XNDC1N: variants seen among roughly 807,000 people sequenced by gnomAD.
The protein encoded by XNDC1N is protein XNDC1N.
the XNDC1N span, among the ~76,000 whole-genome samples, chr11:71,887,180 C>T: frequency 4.6e-5 from 7 of 152,156 alleles, no homozygotes; most frequent in African/African-American, 1.4e-4. Context: ...GCTGAACATT[C>T]GCTAGTAACC....
chr11:71,870,342 C>T, the XNDC1N span, among the ~76,000 whole-genome samples: 1 of 152,100 alleles, frequency 6.6e-6, no homozygotes, highest in South Asian at 2.1e-4. Flanking sequence ...CTTCTGGGGG[C>T]CAAGGCTCAG....
the XNDC1N span, among the ~76,000 whole-genome samples, chr11:71,924,539 G>A: frequency 2.6e-5 from 4 of 152,092 alleles, no homozygotes; most frequent in Admixed American, 1.3e-4. Context: ...TAAGCCTGGC[G>A]TGGTGGTGGG....
the XNDC1N span, among the ~76,000 whole-genome samples, chr11:71,902,845 T>G: frequency 6.6e-6 from 1 of 152,206 alleles, no homozygotes; most frequent in South Asian, 2.1e-4. Context: ...AGACAATGCT[T>G]TTATTACATC....
the XNDC1N span, among the ~76,000 whole-genome samples, chr11:71,879,116 T>C: frequency 4.6e-5 from 7 of 152,110 alleles, no homozygotes; most frequent in Non-Finnish European, 7.4e-5. Context: ...GAAAAGCGAA[T>C]GAAGACTAGA....
the XNDC1N span, chr11:71,916,587 G>A: frequency 4.1e-6 from 1 of 241,840 alleles, no homozygotes; most frequent in South Asian, 7.4e-5. Context: ...AGGACCCAGT[G>A]GATTACCTGA....
chr11:71,888,885 C>T, the XNDC1N span, among the ~76,000 whole-genome samples: 2 of 152,246 alleles, frequency 1.3e-5, no homozygotes, highest in African/African-American at 4.8e-5. Context: ...CTCCCGGTAT[C>T]AAAGAGCCCT....
the XNDC1N span, among the ~76,000 whole-genome samples, chr11:71,897,700 G>T: frequency 4.8e-4 from 73 of 152,048 alleles, no homozygotes; most frequent in African/African-American, 1.7e-3. Context: ...TCCCGCAGTT[G>T]CATTTGTGGG....
chr11:71,907,088 C>T, the XNDC1N span, among the ~76,000 whole-genome samples: 6 of 152,118 alleles, frequency 3.9e-5, no homozygotes, highest in South Asian at 2.1e-4. Context: ...TTATTATTAA[C>T]GTCCCGCTAG....
the XNDC1N span, among the ~76,000 whole-genome samples, chr11:71,889,426 G>A: frequency 1.8e-4 from 28 of 152,252 alleles, no homozygotes; most frequent in Non-Finnish European, 4.0e-4. Flanking sequence ...TGGGCATCAG[G>A]GCTCCCTCAA....
the XNDC1N span, among the ~76,000 whole-genome samples, chr11:71,885,196 C>T: frequency 2.0e-5 from 3 of 152,080 alleles, no homozygotes; most frequent in Admixed American, 6.5e-5. Flanking sequence ...GGTGTTTCTA[C>T]TCCCTGGGAT....
the XNDC1N span, chr11:71,903,828 C>T: frequency 2.3e-5 from 8 of 353,208 alleles, no homozygotes; most frequent in African/African-American, 1.5e-4. Context: ...CTTCCCATCT[C>T]GGGGACCCTT....
At chr11:71,886,320 G>C in the XNDC1N span, among the ~76,000 whole-genome samples, 1 of 150,554 alleles carries the variant, frequency 6.6e-6, no homozygotes, top group Non-Finnish European at 1.5e-5. Context: ...GCGAAGAAAG[G>C]CGGAGAGTCC....
the XNDC1N span, among the ~76,000 whole-genome samples, chr11:71,869,706 T>C: frequency 6.6e-6 from 1 of 152,238 alleles, no homozygotes; most frequent in Non-Finnish European, 1.5e-5. Context: ...TGAATCTCGA[T>C]GATCTTCATT....
the XNDC1N span, among the ~76,000 whole-genome samples, chr11:71,918,502 A>C: frequency 6.6e-6 from 1 of 151,940 alleles, no homozygotes; most frequent in South Asian, 2.1e-4. Context: ...GGCTGATCTC[A>C]CACTCCTGGG....
chr11:71,883,888 G>T, the XNDC1N span, among the ~76,000 whole-genome samples: 1 of 152,082 alleles, frequency 6.6e-6, no homozygotes, highest in Non-Finnish European at 1.5e-5. Flanking sequence ...CTCAATTAAG[G>T]ATTCTTTTTT....
chr11:71,925,736 C>G, the XNDC1N span, among the ~76,000 whole-genome samples: 1 of 151,214 alleles, frequency 6.6e-6, no homozygotes, highest in South Asian at 2.1e-4. Flanking sequence ...AAAAATTAGC[C>G]GGACGTGGTG....
chr11:71,877,613 G>A, the XNDC1N span, among the ~76,000 whole-genome samples: 3 of 152,182 alleles, frequency 2.0e-5, no homozygotes, highest in Admixed American at 1.3e-4. Context: ...GCTCCAGCCT[G>A]GGCAACTGTG....
chr11:71,914,570 C>A, the XNDC1N span, among the ~76,000 whole-genome samples: 3 of 151,738 alleles, frequency 2.0e-5, no homozygotes, highest in African/African-American at 4.8e-5. Context: ...GTCTGTAATC[C>A]CAGCTACTCG....
chr11:71,897,607 C>T, the XNDC1N span, among the ~76,000 whole-genome samples: 4 of 152,246 alleles, frequency 2.6e-5, no homozygotes, highest in South Asian at 4.2e-4. Flanking sequence ...CGATTCTGAT[C>T]GGAGGGAATG....
Sources: gnomAD v4.1 joint callset for allele counts (sites outside exome capture counted in the v4.1 genomes callset) on GRCh38, gnomAD v4.1.1 for gene constraint, MANE v1.5 for transcripts, NCBI Gene and HGNC (gene_info 2026-07-23, HGNC 2026-07-21) for gene names.